The following THSD7B variants were observed in gnomAD, a reference collection of about 807,000 sequenced individuals.
The protein encoded by THSD7B is thrombospondin type 1 domain containing 7B.
THSD7B carries 138 observed loss-of-function variants against 213.6 expected under a neutral mutation model. That is an observed-to-expected ratio of 0.65 (90% CI 0.56 to 0.74). The LOEUF (loss-of-function observed/expected upper bound fraction) is 0.74, where lower values mean the gene tolerates loss of function less well. THSD7B is among the 30% of genes least tolerant of loss of function. The pLI, the probability that THSD7B is intolerant of heterozygous loss-of-function variation, is 0.00. For synonymous variants in THSD7B, 742 were observed against 687.0 expected (o/e 1.08, Z -1.25); for missense variants, 1,931 against 1,991.5 (o/e 0.97, Z 0.58).
chr2:136,979,460 T>C (rs2104806420), intron 2 of THSD7B, among the ~76,000 whole-genome samples: 1 of 152,306 alleles, frequency 6.6e-6, no homozygotes, highest in South Asian at 2.1e-4. Flanking sequence ...TTTTACATCA[T>C]CCCATAGTTG....
intron 15 of THSD7B, among the ~76,000 whole-genome samples, chr2:137,496,583 G>A (rs1679573806): frequency 6.6e-6 from 1 of 151,990 alleles, no homozygotes; most frequent in South Asian, 2.1e-4. Flanking sequence ...AATTACCATT[G>A]CATCAATAAT....
intron 2 of THSD7B, among the ~76,000 whole-genome samples, chr2:136,914,907 A>T (rs977568546): frequency 6.6e-6 from 1 of 152,194 alleles, no homozygotes; most frequent in East Asian, 1.9e-4. Flanking sequence ...TAACTGTATA[A>T]TTTTGAGCTA....
chr2:137,232,971 T>C lies in THSD7B; in HGVS notation c.1988T>C (p.Leu663Pro). 2 of 1,613,988 alleles carry C rather than the reference T, an allele frequency of 1.2e-6. No homozygotes were observed. The highest frequency in any genetic ancestry group is 1.7e-6 in the Non-Finnish European group (2 of 1,179,844). Residue 663 changes from leucine (L) to proline (P), a missense_variant, in exon 9 of 28, where the codon CTT becomes CCT. By Grantham distance (98) the Leu-to-Pro change is moderately conservative (BLOSUM62 -3). Transcript: ENST00000409968. The part of the protein sequence containing the change: ...RLCNDHSCMQ[L>P]HWETSPWGPC... ...TGTAATGACCATTCCTGTATGCAGC[T>C]TCACTGGGAGACATCGCCTTGGGGC...
intron 17 of THSD7B, among the ~76,000 whole-genome samples, chr2:137,575,234 G>A (rs1411024247): frequency 1.3e-5 from 2 of 151,918 alleles, no homozygotes; most frequent in African/African-American, 4.8e-5. Flanking sequence ...AATTTCATAA[G>A]TTATTACCTA....
chr2:136,790,933 A>G (rs1681955252), intron 1 of THSD7B, among the ~76,000 whole-genome samples: 1 of 152,040 alleles, frequency 6.6e-6, no homozygotes, highest in Non-Finnish European at 1.5e-5. Context: ...TACCACTGAC[A>G]TTGGAGGCCT....
intron 12 of THSD7B, among the ~76,000 whole-genome samples, chr2:137,391,238 G>C (rs1686019091): frequency 6.6e-6 from 1 of 152,106 alleles, no homozygotes; most frequent in African/African-American, 2.4e-5. Context: ...TTTCTCATTT[G>C]TGAGCATATA....
intron 10 of THSD7B, among the ~76,000 whole-genome samples, chr2:137,268,943 G>A (rs1244996023): frequency 6.6e-6 from 1 of 152,104 alleles, no homozygotes; most frequent in Admixed American, 6.6e-5. Flanking sequence ...TATAGGTTTG[G>A]CCATAATTTG....
intron 3 of THSD7B, among the ~76,000 whole-genome samples, chr2:137,062,947 A>G (rs931600051): frequency 2.0e-5 from 3 of 151,900 alleles, no homozygotes; most frequent in African/African-American, 7.2e-5. Context: ...ATTTGCAGTT[A>G]TAACAGACCT....
intron 7 of THSD7B, among the ~76,000 whole-genome samples, chr2:137,182,297 G>A (rs1680469376): frequency 6.6e-6 from 1 of 152,216 alleles, no homozygotes. Context: ...GCAGCTGAGA[G>A]AAACAGTGTA....
At chr2:137,635,039 A>G (rs936169798) in intron 20 of THSD7B, among the ~76,000 whole-genome samples, 1 of 152,172 alleles carries the variant, frequency 6.6e-6, no homozygotes, top group Non-Finnish European at 1.5e-5. Flanking sequence ...ATATAATAAT[A>G]AGCTCAATAT....
intron 12 of THSD7B, among the ~76,000 whole-genome samples, chr2:137,388,519 C>A (rs1318913712): frequency 6.6e-6 from 1 of 152,094 alleles, no homozygotes; most frequent in Non-Finnish European, 1.5e-5. Flanking sequence ...GTGTCAGAAA[C>A]ATTTCAAGTC....
At chr2:137,200,262 G>A (rs1680848662) in intron 7 of THSD7B, among the ~76,000 whole-genome samples, 1 of 151,974 alleles carries the variant, frequency 6.6e-6, no homozygotes, top group Non-Finnish European at 1.5e-5. Context: ...AGTATGATAT[G>A]GATGCTGTGT....
At chr2:136,977,164 C>A (rs1459662441) in intron 2 of THSD7B, among the ~76,000 whole-genome samples, 1 of 152,092 alleles carries the variant, frequency 6.6e-6, no homozygotes, top group African/African-American at 2.4e-5. Flanking sequence ...GTCTATTCAA[C>A]TTATTCCTGG....
intron 17 of THSD7B, among the ~76,000 whole-genome samples, chr2:137,591,412 T>C (rs1347979712): frequency 1.3e-5 from 2 of 151,996 alleles, no homozygotes; most frequent in African/African-American, 4.8e-5. Context: ...AAGCCCATAA[T>C]GATATAAATG....
intron 21 of THSD7B, among the ~76,000 whole-genome samples, chr2:137,648,118 T>C (rs1011069207): frequency 8.5e-5 from 13 of 152,328 alleles, no homozygotes; most frequent in African/African-American, 3.1e-4. Context: ...ATAATAGATG[T>C]ATATATTTTT....
At chr2:137,624,708 A>G (rs1420722658) in intron 20 of THSD7B, among the ~76,000 whole-genome samples, 1 of 152,256 alleles carries the variant, frequency 6.6e-6, no homozygotes, top group African/African-American at 2.4e-5. Context: ...TATGCAGCCA[A>G]CAGACACATG....
chr2:136,837,556 A>G (rs1379134403), intron 1 of THSD7B, among the ~76,000 whole-genome samples: 3 of 152,202 alleles, frequency 2.0e-5, no homozygotes, highest in Non-Finnish European at 4.4e-5. Flanking sequence ...TTCCTGCTTA[A>G]TATTTTATAG....
intron 4 of THSD7B, among the ~76,000 whole-genome samples, chr2:137,110,359 T>C (rs1688326204): frequency 6.6e-6 from 1 of 152,238 alleles, no homozygotes; most frequent in Admixed American, 6.5e-5. Context: ...TATTTCTTTG[T>C]CTAGTCAACC....
chr2:137,058,054 G>A (rs1687202774), intron 3 of THSD7B, among the ~76,000 whole-genome samples: 1 of 152,120 alleles, frequency 6.6e-6, no homozygotes, highest in African/African-American at 2.4e-5. Context: ...ACAACATAAT[G>A]CTTGTCTTTA....
Sources: gnomAD v4.1 joint callset for allele counts (sites outside exome capture counted in the v4.1 genomes callset) on GRCh38, gnomAD v4.1.1 for gene constraint, MANE v1.5 for transcripts, NCBI Gene and HGNC (gene_info 2026-07-23, HGNC 2026-07-21) for gene names.